The following RAB9B variants were observed in gnomAD, a reference collection of about 807,000 sequenced individuals.
RAB9B encodes the protein ras-related protein Rab-9B.
RAB9B carries 1 observed loss-of-function variant against 8.9 expected under a neutral mutation model. The ratio of observed to expected loss-of-function variants is 0.11; its 90% CI spans 0.04 to 0.53. RAB9B has a LOEUF of 0.53. Ranked by LOEUF, RAB9B falls within the 20% of genes least tolerant of loss-of-function variation. RAB9B has a pLI of 0.93. For synonymous variants in RAB9B, 63 were observed against 57.0 expected, an observed-to-expected ratio of 1.10 and a Z score of -0.47; for missense variants, 82 against 152.9, an observed-to-expected ratio of 0.54 and a Z score of 2.45.
chrX:103,785,667 A>G, the RAB9B span: 3 of 1,209,877 alleles, frequency 2.5e-6, no homozygotes, highest in Non-Finnish European at 3.4e-6. Flanking sequence ...TTGGGGTGGC[A>G]CTGTTCTGTG....
At chrX:103,789,193 G>A in the RAB9B span, 1 of 546,567 alleles carries the variant, frequency 1.8e-6, no homozygotes, top group South Asian at 2.4e-5. Flanking sequence ...CACATTTAGG[G>A]AAGTGAAAAC....
the RAB9B span, among the ~76,000 whole-genome samples, chrX:103,793,036 C>A: frequency 8.9e-6 from 1 of 112,097 alleles, no homozygotes; most frequent in Non-Finnish European, 1.9e-5. Flanking sequence ...TTTGGATATT[C>A]CAGTAATGAT....
chrX:103,780,822 A>T, the RAB9B span: 1 of 113,359 alleles, frequency 8.8e-6, no homozygotes, highest in African/African-American at 3.3e-5. Flanking sequence ...ACTGATCCCC[A>T]TCCATCCCTA....
chrX:103,807,002 C>T, the RAB9B span, among the ~76,000 whole-genome samples: 134 of 111,744 alleles, frequency 1.2e-3, no homozygotes, highest in Non-Finnish European at 2.2e-3. Flanking sequence ...AGGGAGGGGG[C>T]GGTCCTCGTG....
In RAB9B at chrX:103,825,195, C is replaced by G; in HGVS notation, c.590G>C (p.Gly197Ala). 1 of 1,208,338 alleles carries G rather than the reference C, an allele frequency of 8.3e-7. No individual in the cohort carries two copies. The highest frequency in any genetic ancestry group is 1.1e-6 in the Non-Finnish European group (1 of 893,729). ...TIDLNSGSKA[G>A]SSCC ...TCCCTATCTTTAACAGCACGAAGAC[C>G]CTGCTTTGGAGCCACTGTTCAAGTC... The change falls in exon 3 of 3, where the codon GGG (glycine) becomes GCG (alanine). Residue 197 changes from glycine to alanine, a missense_variant. Transcript: ENST00000243298.
At chrX:103,814,811 C>G in the RAB9B span, among the ~76,000 whole-genome samples, 5 of 112,147 alleles carry the variant, frequency 4.5e-5, no homozygotes, top group Admixed American at 4.7e-4. Flanking sequence ...TATAACACCT[C>G]TATGCAAATT....
chrX:103,782,231 A>G, the RAB9B span, among the ~76,000 whole-genome samples: 1 of 112,092 alleles, frequency 8.9e-6, no homozygotes. Context: ...GCTTATGCTG[A>G]TATTACTGAA....
the RAB9B span, chrX:103,788,337 C>A: frequency 4.3e-5 from 28 of 643,982 alleles, no homozygotes; most frequent in Non-Finnish European, 6.6e-5. Context: ...ACTTTACAGC[C>A]AGGATAATTA....
At chrX:103,788,379 C>A in the RAB9B span, 1 of 854,001 alleles carries the variant, frequency 1.2e-6, no homozygotes, top group Non-Finnish European at 1.8e-6. Context: ...GGGAAAGTCT[C>A]CATGTGGCCC....
chrX:103,828,883 G>A (rs1047264336), intron 1 of RAB9B, among the ~76,000 whole-genome samples: 5 of 111,757 alleles, frequency 4.5e-5, no homozygotes, highest in African/African-American at 1.6e-4. Context: ...GCAGTAATCA[G>A]GACACCAGGG....
At chrX:103,817,337 A>G (rs1048325981), downstream of RAB9B, among the ~76,000 whole-genome samples, 10 of 111,052 alleles carry the variant, frequency 9.0e-5, no homozygotes, top group Non-Finnish European at 1.5e-4. Flanking sequence ...AGATCAGAAA[A>G]CCAAACGCCG....
At chrX:103,815,493 A>C in the RAB9B span, among the ~76,000 whole-genome samples, 1 of 112,352 alleles carries the variant, frequency 8.9e-6, no homozygotes, top group Non-Finnish European at 1.9e-5. Flanking sequence ...ATGGGCAAAA[A>C]CAGGAAGCAT....
chrX:103,809,570 G>C, the RAB9B span, among the ~76,000 whole-genome samples: 3 of 112,296 alleles, frequency 2.7e-5, no homozygotes, highest in Non-Finnish European at 5.6e-5. Context: ...AAAGTGCTGG[G>C]ATTACAGGCG....
the RAB9B span, among the ~76,000 whole-genome samples, chrX:103,778,196 A>G: frequency 1.8e-5 from 2 of 112,325 alleles, no homozygotes; most frequent in Non-Finnish European, 3.8e-5. Flanking sequence ...AGCAATAACT[A>G]CTTTGTCTAC....
the RAB9B span, among the ~76,000 whole-genome samples, chrX:103,814,121 C>A: frequency 1.8e-5 from 2 of 111,668 alleles, no homozygotes; most frequent in East Asian, 2.8e-4. Flanking sequence ...CACCCCAAAT[C>A]AACAGAATAT....
the RAB9B span, among the ~76,000 whole-genome samples, chrX:103,785,336 C>T: frequency 3.6e-5 from 4 of 112,577 alleles, no homozygotes; most frequent in Non-Finnish European, 7.5e-5. Flanking sequence ...CTCAGCCTCC[C>T]AAAGTGCTGG....
chrX:103,801,356 T>C, the RAB9B span, among the ~76,000 whole-genome samples: 3 of 111,067 alleles, frequency 2.7e-5, no homozygotes, highest in East Asian at 8.5e-4. Flanking sequence ...CTTTCCCAGG[T>C]ATACTGTTCC....
the RAB9B span, chrX:103,780,397 G>A: frequency 9.1e-6 from 1 of 110,191 alleles, no homozygotes; most frequent in African/African-American, 3.3e-5. Context: ...CCCAATGCTT[G>A]CACATAAATT....
At chrX:103,797,613 G>A in the RAB9B span, among the ~76,000 whole-genome samples, 3 of 112,179 alleles carry the variant, frequency 2.7e-5, no homozygotes, top group Admixed American at 1.9e-4. Flanking sequence ...ATTGGTCAAG[G>A]CAGATGATCT....
Sources: allele counts gnomAD v4.1 joint callset (sites outside exome capture counted in the v4.1 genomes callset), GRCh38; gene constraint gnomAD v4.1.1; transcripts MANE v1.5; gene names NCBI Gene and HGNC (gene_info 2026-07-23, HGNC 2026-07-21).